Variants in SNX24 observed in about 807,000 individuals in gnomAD.
The protein encoded by SNX24 is sorting nexin 24.
SNX24 carries 22 observed loss-of-function variants against 28.7 expected under a neutral mutation model. The ratio of observed to expected loss-of-function variants is 0.77; its 90% CI spans 0.55 to 1.10. The LOEUF (loss-of-function observed/expected upper bound fraction) is 1.10, where lower values mean the gene tolerates loss of function less well. SNX24 is among the 50% of genes least tolerant of loss of function. The probability of loss-of-function intolerance (pLI) is 0.00; values close to 1 mark genes in which losing one functional copy is unlikely to be tolerated. For synonymous variants in SNX24, 69 were observed against 71.5 expected, an observed-to-expected ratio of 0.96 and a Z score of 0.18; for missense variants, 221 against 201.1, an observed-to-expected ratio of 1.10 and a Z score of -0.60.
intron 1 of SNX24, among the ~76,000 whole-genome samples, chr5:122,908,220 C>T (rs1033159307): frequency 6.6e-6 from 1 of 152,204 alleles, no homozygotes; most frequent in Non-Finnish European, 1.5e-5. Context: ...CTCATCTGTT[C>T]CGTCAACTAG....
chr5:122,855,077 C>CTT (rs35771449), intron 1 of SNX24, among the ~76,000 whole-genome samples: 27 of 145,294 alleles, frequency 1.9e-4, no homozygotes, highest in Non-Finnish European at 3.0e-4. Context: ...TTTCCTTTTC[C>CTT]TTTTTTTTTT....
intron 1 of SNX24, among the ~76,000 whole-genome samples, chr5:122,916,851 A>G (rs1275812009): frequency 6.6e-6 from 1 of 152,164 alleles, no homozygotes; most frequent in Non-Finnish European, 1.5e-5. Flanking sequence ...CTTGCATGGC[A>G]TACTCTGTCA....
chr5:122,901,472 A>G (rs1757446466), intron 1 of SNX24, among the ~76,000 whole-genome samples: 1 of 152,194 alleles, frequency 6.6e-6, no homozygotes, highest in African/African-American at 2.4e-5. Flanking sequence ...CAAAGATATA[A>G]TAAATATTCT....
intron 1 of SNX24, among the ~76,000 whole-genome samples, chr5:122,874,137 C>G (rs936016716): frequency 1.3e-5 from 2 of 152,172 alleles, no homozygotes; most frequent in African/African-American, 4.8e-5. Flanking sequence ...TCCTGTATTG[C>G]TCCATGGAGA....
chr5:122,966,547 T>A (rs1396472750), intron 3 of SNX24, among the ~76,000 whole-genome samples: 1 of 152,166 alleles, frequency 6.6e-6, no homozygotes, highest in Non-Finnish European at 1.5e-5. Flanking sequence ...CAGACCTAAT[T>A]TGGCTGTTAG....
At chr5:122,892,727 C>T (rs1008074901) in intron 1 of SNX24, among the ~76,000 whole-genome samples, 22 of 143,448 alleles carry the variant, frequency 1.5e-4, no homozygotes, top group East Asian at 4.3e-4. Context: ...CGTGAGCCAC[C>T]GTGCCCAGCC....
chr5:122,908,635 T>C (rs1757750165), intron 1 of SNX24, among the ~76,000 whole-genome samples: 1 of 152,242 alleles, frequency 6.6e-6, no homozygotes, highest in African/African-American at 2.4e-5. Context: ...ATTGTATTTC[T>C]ACCCATTTTT....
At chr5:122,862,666 C>T (rs1755524941) in intron 1 of SNX24, among the ~76,000 whole-genome samples, 1 of 149,020 alleles carries the variant, frequency 6.7e-6, no homozygotes, top group African/African-American at 2.5e-5. Context: ...TTAAAGAAAC[C>T]CAATGTAAAA....
intron 1 of SNX24, among the ~76,000 whole-genome samples, chr5:122,905,670 C>T (rs774841148): frequency 2.6e-5 from 4 of 152,194 alleles, no homozygotes; most frequent in Non-Finnish European, 5.9e-5. Context: ...ACCCTAGGAA[C>T]ACCTGATTGG....
chr5:122,917,007 G>A (rs1758201470), intron 1 of SNX24, among the ~76,000 whole-genome samples: 1 of 152,094 alleles, frequency 6.6e-6, no homozygotes. Context: ...GGTGGCTCAC[G>A]CCTGTAATCC....
intron 5 of SNX24, among the ~76,000 whole-genome samples, chr5:123,021,340 C>T (rs1034200676): frequency 3.9e-5 from 6 of 152,096 alleles, no homozygotes; most frequent in African/African-American, 1.2e-4. Context: ...AGTTAATGAA[C>T]GAGTCTGCCA....
At chr5:122,865,736 A>C (rs534500579) in intron 1 of SNX24, among the ~76,000 whole-genome samples, 1 of 152,332 alleles carries the variant, frequency 6.6e-6, no homozygotes, top group African/African-American at 2.4e-5. Flanking sequence ...TCTCTAACAC[A>C]CTATTGGTGA....
intron 1 of SNX24, among the ~76,000 whole-genome samples, chr5:122,908,509 A>T (rs1308927842): frequency 6.6e-6 from 1 of 152,240 alleles, no homozygotes; most frequent in Non-Finnish European, 1.5e-5. Context: ...AAAATAACTT[A>T]AGGGAAAAAT....
chr5:123,003,364 A>G (rs1000653761), intron 6 of SNX24, among the ~76,000 whole-genome samples: 1 of 152,192 alleles, frequency 6.6e-6, no homozygotes. Flanking sequence ...TTTGCTTCTT[A>G]TGTTTAACAA....
chr5:122,979,428 G>A (rs2150155026), intron 3 of SNX24, among the ~76,000 whole-genome samples: 1 of 152,316 alleles, frequency 6.6e-6, no homozygotes, highest in South Asian at 2.1e-4. Flanking sequence ...GTGAAAAGGG[G>A]TGTAGATCTG....
intron 3 of SNX24, among the ~76,000 whole-genome samples, chr5:122,947,534 T>C (rs945528358): frequency 6.6e-6 from 1 of 152,148 alleles, no homozygotes; most frequent in Non-Finnish European, 1.5e-5. Flanking sequence ...CTTTTGAACT[T>C]GGTAGAAGAA....
chr5:122,869,754 G>C (rs1398810012), intron 1 of SNX24, among the ~76,000 whole-genome samples: 1 of 152,100 alleles, frequency 6.6e-6, no homozygotes, highest in Non-Finnish European at 1.5e-5. Context: ...TTCCATCGTA[G>C]ACTCTGAATT....
intron 3 of SNX24, among the ~76,000 whole-genome samples, chr5:122,985,304 A>G (rs1339917691): frequency 1.3e-5 from 2 of 152,150 alleles, no homozygotes; most frequent in South Asian, 4.1e-4. Context: ...ACAGCTGACC[A>G]TTGAAGGACC....
chr5:123,029,181 TA>T, intron 5 of SNX24: 1 of 1,536,148 alleles, frequency 6.5e-7, no homozygotes, highest in Non-Finnish European at 8.8e-7. Flanking sequence ...AATTGGAAAA[TA>T]AAGTCAAATG....
Sources: gnomAD v4.1 joint callset for allele counts (sites outside exome capture counted in the v4.1 genomes callset) on GRCh38, gnomAD v4.1.1 for gene constraint, MANE v1.5 for transcripts, NCBI Gene and HGNC (gene_info 2026-07-23, HGNC 2026-07-21) for gene names.